The following LPP variants were observed in gnomAD, a reference collection of about 807,000 sequenced individuals.
LPP encodes the protein lipoma-preferred partner.
LPP carries 38 observed loss-of-function variants against 60.4 expected under a neutral mutation model. That is an observed-to-expected ratio of 0.63 (90% CI 0.49 to 0.83). The LOEUF (loss-of-function observed/expected upper bound fraction) is 0.83. LPP is among the 40% of genes least tolerant of loss of function. The pLI is 0.00. For missense variants in LPP, 902 were observed against 783.6 expected, an observed-to-expected ratio of 1.15 and a Z score of -1.80; for synonymous variants, 328 against 290.8, an observed-to-expected ratio of 1.13 and a Z score of -1.30.
intron 1 of LPP, among the ~76,000 whole-genome samples, chr3:188,193,347 C>T (rs924025990): frequency 1.3e-5 from 2 of 152,140 alleles, no homozygotes; most frequent in Admixed American, 6.6e-5. Flanking sequence ...ATTCAGTTCC[C>T]AGCTCTGTCG....
intron 6 of LPP, among the ~76,000 whole-genome samples, chr3:188,550,577 C>CAAAAAAAAAAAAAAA (rs67052080): frequency 1.5e-5 from 1 of 66,906 alleles, no homozygotes; most frequent in African/African-American, 6.4e-5. Flanking sequence ...GACTCCATCT[C>CAAAAAAAAAAAAAAA]AAAAAAAAAA....
At chr3:188,829,433 C>G (rs972794863) in intron 9 of LPP, among the ~76,000 whole-genome samples, 1 of 152,176 alleles carries the variant, frequency 6.6e-6, no homozygotes, top group Non-Finnish European at 1.5e-5. Flanking sequence ...GAGTCACCCA[C>G]TCACCTCCTA....
intron 6 of LPP, chr3:188,568,171 G>T (rs1008839008): frequency 6.6e-6 from 1 of 151,920 alleles, no homozygotes; most frequent in Non-Finnish European, 1.5e-5. Flanking sequence ...TAGTTCAGTG[G>T]CTGAGAATCT....
Position 188,572,693 on chromosome 3 carries a change from A to C in LPP, c.430-36468A>C, listed in dbSNP as rs1352613727. On this transcript the variant is annotated intron_variant, in intron 6 of 11. Transcript: ENST00000617246. The surrounding 1 kb of genome is among the most constrained non-coding windows in gnomAD (Gnocchi z 4.1). ...TAAATTGAATGATAGGGGTGTAAGC[A>C]CTTTGTAAATCCAAGTAAGAATTAT... Among the ~76,000 whole-genome samples, 4 of 152,110 alleles carry C rather than the reference A, an allele frequency of 2.6e-5. No homozygotes were observed. The highest frequency in any genetic ancestry group is 4.8e-5 in the African/African-American group (2 of 41,434).
intron 9 of LPP, among the ~76,000 whole-genome samples, chr3:188,787,488 C>T (rs751342072): frequency 6.6e-6 from 1 of 152,000 alleles, no homozygotes; most frequent in African/African-American, 2.4e-5. Context: ...CAGTTCAGCT[C>T]CCTGTAATTC....
chr3:188,245,332 C>T (rs925083366), intron 2 of LPP, among the ~76,000 whole-genome samples: 5 of 152,244 alleles, frequency 3.3e-5, no homozygotes, highest in African/African-American at 9.6e-5. Flanking sequence ...ATGCTGGTCT[C>T]GAACTTCTGA....
chr3:188,294,675 T>C (rs1027312609), intron 2 of LPP, among the ~76,000 whole-genome samples: 1 of 152,238 alleles, frequency 6.6e-6, no homozygotes, highest in Non-Finnish European at 1.5e-5. Flanking sequence ...ATTGTATAAA[T>C]AGGCATTAGG....
At position 188,803,848 on chromosome 3, in the gene LPP, T is replaced by C. The variant is rs937951083; in HGVS notation, c.1410+43566T>C. Among the ~76,000 whole-genome samples, 4 of 152,188 alleles carry C rather than the reference T, an allele frequency of 2.6e-5. 1 individual carries two copies. In the South Asian group the frequency reaches 8.3e-4, roughly 31 times the overall value. On this transcript the variant is annotated intron_variant, in intron 9 of 11. Coordinates refer to ENST00000617246, the MANE Select transcript of LPP (RefSeq NM_001375462.1). ...GTTTGTCAGTTTTTACAAAAATCCT[T>C]CTGGGGTTTTGATTAGAATTGTTGA... is the stretch of plus-strand genomic sequence containing the variant.
chr3:188,773,988 T>C (rs1736913628), intron 9 of LPP, among the ~76,000 whole-genome samples: 1 of 152,166 alleles, frequency 6.6e-6, no homozygotes, highest in Non-Finnish European at 1.5e-5. Context: ...AACAGACAAG[T>C]GGAGACTGAT....
intron 7 of LPP, among the ~76,000 whole-genome samples, chr3:188,686,062 C>G (rs1427820159): frequency 6.6e-6 from 1 of 152,140 alleles, no homozygotes; most frequent in African/African-American, 2.4e-5. Context: ...GCTCACCTCT[C>G]TAATCCCAGA....
At position 188,338,125 on chromosome 3, in the gene LPP, A is replaced by T. The variant is rs116060937; in HGVS notation, c.-66-3538A>T. On this transcript the variant is annotated intron_variant, in intron 2 of 11. Transcript: ENST00000617246. ...AACACAATCAACCAGATGTCAGAAG[A>T]TTTCAGTGCCTCTGATAGATGCTGA... Among the ~76,000 whole-genome samples the T allele has an allele frequency of 1.5e-3, 236 of 152,366 alleles. 1 individual carries two copies. The highest frequency in any genetic ancestry group is 5.5e-3 in the African/African-American group (227 of 41,594).
intron 7 of LPP, among the ~76,000 whole-genome samples, chr3:188,682,664 G>A (rs1859786726): frequency 6.6e-6 from 1 of 152,228 alleles, no homozygotes; most frequent in Admixed American, 6.5e-5. Context: ...TGTAGCTCAT[G>A]TTGGCAAGCG....
chr3:188,678,151 T>C (rs922641282), intron 7 of LPP, among the ~76,000 whole-genome samples: 1 of 152,220 alleles, frequency 6.6e-6, no homozygotes, highest in Non-Finnish European at 1.5e-5. Context: ...TTATAGTTTC[T>C]GTTCCAATGC....
At chr3:188,429,579 G>T (rs1373592377) in intron 4 of LPP, among the ~76,000 whole-genome samples, 1 of 152,138 alleles carries the variant, frequency 6.6e-6, no homozygotes, top group African/African-American at 2.4e-5. Context: ...AAAACCTGCT[G>T]CTCCTGAAAC....
At chr3:188,303,199 A>G (rs1406563753) in intron 2 of LPP, among the ~76,000 whole-genome samples, 1 of 152,164 alleles carries the variant, frequency 6.6e-6, no homozygotes, top group Non-Finnish European at 1.5e-5. Flanking sequence ...AATACACGAA[A>G]CACTCAAGAC....
chr3:188,804,118 A>G (rs1299556582), intron 9 of LPP, among the ~76,000 whole-genome samples: 1 of 150,588 alleles, frequency 6.6e-6, no homozygotes, highest in African/African-American at 2.4e-5. Context: ...CTGTATAGAT[A>G]AGATTGATCT....
chr3:188,860,776 T>C (rs1285510964), intron 9 of LPP, among the ~76,000 whole-genome samples: 1 of 152,250 alleles, frequency 6.6e-6, no homozygotes, highest in African/African-American at 2.4e-5. Flanking sequence ...AGTTTTCTCT[T>C]GTCCTATAGG....
At chr3:188,179,645 G>A (rs143757369) in intron 1 of LPP, 119 of 374,160 alleles carry the variant, frequency 3.2e-4, no homozygotes, top group African/African-American at 1.8e-3. Flanking sequence ...GAATCCAGCC[G>A]TGGAGTGAGC....
chr3:188,429,975 G>A (rs180683502), intron 4 of LPP, among the ~76,000 whole-genome samples: 1 of 152,258 alleles, frequency 6.6e-6, no homozygotes, highest in Non-Finnish European at 1.5e-5. Flanking sequence ...AAAAATGTGT[G>A]TATTTTTGAA....
Sources: allele counts gnomAD v4.1 joint callset (sites outside exome capture counted in the v4.1 genomes callset), GRCh38; gene constraint gnomAD v4.1.1; non-coding constraint Gnocchi (gnomAD v3.1); transcripts MANE v1.5; gene names NCBI Gene and HGNC (gene_info 2026-07-23, HGNC 2026-07-21).